Variants in FANCL observed in about 807,000 individuals in gnomAD.
The protein encoded by FANCL is E3 ubiquitin-protein ligase FANCL.
Under a neutral mutation model 59.4 loss-of-function variants are expected in FANCL, and 69 were observed. That is an observed-to-expected ratio of 1.16 (90% CI 0.96 to 1.42). The LOEUF is 1.42. Among genes scored for constraint, FANCL ranks in the 40% most tolerant of loss-of-function variants. The probability of loss-of-function intolerance (pLI) is 0.00; values close to 1 mark genes in which losing one functional copy is unlikely to be tolerated. For missense variants in FANCL, 519 were observed against 447.2 expected, an observed-to-expected ratio of 1.16 and a Z score of -1.45; for synonymous variants, 180 against 147.1, an observed-to-expected ratio of 1.22 and a Z score of -1.62.
chr2:58,180,078 G>A (rs1451885206), intron 7 of FANCL, among the ~76,000 whole-genome samples: 2 of 152,170 alleles, frequency 1.3e-5, no homozygotes, highest in African/African-American at 4.8e-5. Context: ...AACAACAGAT[G>A]CTGAAGAGGA....
intron 5 of FANCL, among the ~76,000 whole-genome samples, chr2:58,206,559 C>T (rs1265835203): frequency 6.6e-6 from 1 of 152,152 alleles, no homozygotes; most frequent in African/African-American, 2.4e-5. Context: ...TGCTCACCAT[C>T]ACAATGTTTA....
intron 7 of FANCL, among the ~76,000 whole-genome samples, chr2:58,192,884 TG>T (rs1689072441): frequency 6.6e-6 from 1 of 151,916 alleles, no homozygotes; most frequent in African/African-American, 2.4e-5. Context: ...CAAAAAACCT[TG>T]CAAACTTAAC....
At chr2:58,213,924 T>A (rs544939898) in intron 5 of FANCL, among the ~76,000 whole-genome samples, 1 of 152,232 alleles carries the variant, frequency 6.6e-6, no homozygotes, top group Non-Finnish European at 1.5e-5. Context: ...TTGGGGAGAA[T>A]TTATTAAAGG....
intron 7 of FANCL, among the ~76,000 whole-genome samples, chr2:58,177,209 G>A (rs1687423253): frequency 6.6e-6 from 1 of 152,164 alleles, no homozygotes; most frequent in African/African-American, 2.4e-5. Context: ...CAACCCTTGT[G>A]GAAGTCAGTG....
chr2:58,185,556 A>C (rs1158302193), intron 7 of FANCL, among the ~76,000 whole-genome samples: 1 of 152,226 alleles, frequency 6.6e-6, no homozygotes, highest in Non-Finnish European at 1.5e-5. Context: ...GAATAGTCTT[A>C]TAACACTGAA....
intron 5 of FANCL, among the ~76,000 whole-genome samples, chr2:58,220,591 T>C (rs1692376580): frequency 6.7e-6 from 1 of 148,316 alleles, no homozygotes; most frequent in South Asian, 2.1e-4. Context: ...AGTCTCTATT[T>C]AGTTTTTCTT....
intron 7 of FANCL, among the ~76,000 whole-genome samples, chr2:58,186,801 A>C (rs1171671332): frequency 6.6e-6 from 1 of 152,212 alleles, no homozygotes; most frequent in Non-Finnish European, 1.5e-5. Context: ...AACATACACC[A>C]CCACGAAGCT....
chr2:58,221,008 C>G (rs181983515), intron 5 of FANCL, among the ~76,000 whole-genome samples: 6 of 151,250 alleles, frequency 4.0e-5, no homozygotes, highest in African/African-American at 9.7e-5. Flanking sequence ...GTCAGGAGAT[C>G]GAGACCGATC....
rs1294025180 is a variant in FANCL, at chr2:58,217,199, TATATATATATATATATACACACACACAC to T, written c.374+4715_374+4742del. The stretch of plus-strand genomic sequence containing the variant: ...ATATATATATATATATATATATATA[TATATATATATATATATACACACACACAC>T]ACACACACACACACACATATATATG... On this transcript the variant is annotated intron_variant, in intron 5 of 13. Transcript: ENST00000233741. Among the ~76,000 whole-genome samples, 95 of 9,682 alleles carry T rather than the reference TATATATATATATATATACACACACACAC, an allele frequency of 9.8e-3. 2 individuals are homozygous for T. Among genetic ancestry groups the T allele is most frequent in the African/African-American group, 0.022 (80 of 3,592 alleles). The allele number at this position is 9,682 out of a possible 152,430, so 6.4% of individuals were successfully genotyped here. A position where few individuals can be genotyped will look rare whatever the true frequency, so the allele number is the denominator to read the frequency against.
At chr2:58,197,912 T>C (rs1057128989) in intron 7 of FANCL, among the ~76,000 whole-genome samples, 6 of 152,178 alleles carry the variant, frequency 3.9e-5, no homozygotes, top group African/African-American at 1.4e-4. Context: ...AACTTTTCAG[T>C]TACCATTCAC....
At chr2:58,164,780 C>G (rs1179551615) in intron 8 of FANCL, among the ~76,000 whole-genome samples, 1 of 151,934 alleles carries the variant, frequency 6.6e-6, no homozygotes, top group Non-Finnish European at 1.5e-5. Flanking sequence ...CACAAATATA[C>G]CATAATTTGG....
chr2:58,205,360 C>CAGAAGT (rs1558792336), intron 5 of FANCL, among the ~76,000 whole-genome samples: 1 of 151,628 alleles, frequency 6.6e-6, no homozygotes, highest in East Asian at 1.9e-4. Context: ...TCTTAGAAAA[C>CAGAAGT]AAAACTATTC....
intron 5 of FANCL, among the ~76,000 whole-genome samples, chr2:58,211,457 C>A (rs1387841007): frequency 6.6e-6 from 1 of 152,176 alleles, no homozygotes; most frequent in Non-Finnish European, 1.5e-5. Context: ...GCCGTGAAGA[C>A]CTCTGGCATG....
intron 5 of FANCL, among the ~76,000 whole-genome samples, chr2:58,217,184 A>ATTTTT (rs1558806547): frequency 2.6e-4 from 1 of 3,848 alleles, no homozygotes; most frequent in African/African-American, 1.4e-3. Context: ...ATATATATAT[A>ATTTTT]TATATATATA....
intron 5 of FANCL, 136 bp from the exon 6 acceptor site, chr2:58,204,362 T>G (rs1190556787): frequency 2.7e-6 from 2 of 733,602 alleles, no homozygotes; most frequent in African/African-American, 3.4e-5. Context: ...AATTTCTGCA[T>G]GCCAACCCTT....
chr2:58,192,016 T>C (rs1688972854), intron 7 of FANCL, among the ~76,000 whole-genome samples: 2 of 151,970 alleles, frequency 1.3e-5, no homozygotes, highest in South Asian at 4.1e-4. Context: ...ATTCTCTTTA[T>C]ACTATGCTAC....
intron 5 of FANCL, among the ~76,000 whole-genome samples, chr2:58,217,322 G>T (rs1410701463): frequency 6.8e-6 from 1 of 147,936 alleles, no homozygotes; most frequent in East Asian, 2.0e-4. Flanking sequence ...CTGTTCACTG[G>T]GCAAAAATCA....
intron 8 of FANCL, among the ~76,000 whole-genome samples, chr2:58,164,812 C>A (rs9309303): frequency 0.059 from 9,000 of 152,052 alleles, 889 homozygotes; most frequent in African/African-American, 0.21. Flanking sequence ...AAATTAAACA[C>A]AGTTAGACTT....
At chr2:58,223,471 G>C (rs1692682591) in intron 4 of FANCL, among the ~76,000 whole-genome samples, 1 of 151,890 alleles carries the variant, frequency 6.6e-6, no homozygotes. Flanking sequence ...CTGGATAATA[G>C]TAAAAACACT....
Sources: gnomAD v4.1 joint callset for allele counts (sites outside exome capture counted in the v4.1 genomes callset) on GRCh38, gnomAD v4.1.1 for gene constraint, MANE v1.5 for transcripts, NCBI Gene and HGNC (gene_info 2026-07-23, HGNC 2026-07-21) for gene names.